PTK7: variants seen among roughly 807,000 people sequenced by gnomAD.
PTK7 encodes the protein inactive tyrosine-protein kinase 7.
In PTK7, 39 loss-of-function variants were observed where a neutral mutation model predicts 116.6. That is an observed-to-expected ratio of 0.33 (90% CI 0.26 to 0.44). PTK7 has a LOEUF of 0.44. PTK7 is among the 20% of genes least tolerant of loss of function. The pLI is 1.00. For missense variants in PTK7, 1,169 were observed against 1,425.6 expected (o/e 0.82, Z 2.90); for synonymous variants, 546 against 563.6 (o/e 0.97, Z 0.44).
intron 1 of PTK7, among the ~76,000 whole-genome samples, chr6:43,099,235 CT>C (rs11375658): frequency 0.016 from 2,124 of 136,934 alleles, 43 homozygotes; most frequent in African/African-American, 0.048. Flanking sequence ...ACTATTTTTC[CT>C]TTTTTTTTTT....
chr6:43,131,699 T>C (rs1020348141), intron 5 of PTK7: 11 of 382,434 alleles, frequency 2.9e-5, no homozygotes, highest in African/African-American at 1.3e-4. Context: ...GTGGGAATTA[T>C]GGGAGCTACA....
At position 43,145,243 on chromosome 6, in the gene PTK7, C is replaced by A; in HGVS notation, c.2451C>A (p.Gly817=). The A allele has an allele frequency of 6.2e-7, 1 of 1,613,282 alleles. No homozygotes were observed. The highest frequency in any genetic ancestry group is 8.5e-7 in the Non-Finnish European group (1 of 1,179,502). Residue 817 remains glycine, a synonymous_variant, in exon 16 of 20, where the codon GGC becomes GGA. Transcript: ENST00000230419. The surrounding 1 kb of genome is among the most constrained non-coding windows in gnomAD (Gnocchi z 4.8). The stretch of plus-strand genomic sequence containing the variant: ...AGGTGTTCCTGGCAAAGGCTCAGGG[C>A]TTGGAGGAGGGAGTGGCAGAGACCC... ...FGEVFLAKAQ[G]LEEGVAETLV...
chr6:43,157,357 TATATATA>T (rs1482178440), intron 17 of PTK7, among the ~76,000 whole-genome samples: 288 of 7,282 alleles, frequency 0.04, 22 homozygotes, highest in African/African-American at 0.083. Context: ...TATATATATA[TATATATA>T]TTTTTTTTTT....
At position 43,132,055 on chromosome 6, in the gene PTK7, G is replaced by T; in HGVS notation, c.852G>T (p.Gly284=). 2 of 1,614,072 alleles carry T rather than the reference G, an allele frequency of 1.2e-6. No homozygotes were observed. The highest frequency in any genetic ancestry group is 1.7e-6 in the Non-Finnish European group (2 of 1,180,032). ...GCAGAGCCACAGTGTTTGCCAACGG[G>T]TCTCTGCTGCTGACCCAGGTCCGGC... ...HLRRATVFAN[G]SLLLTQVRPR... is the part of the protein sequence containing the mutation. Residue 284 remains glycine (G), a synonymous_variant, in exon 6 of 20, where the codon GGG becomes GGT. Transcript: ENST00000230419.
In PTK7 at chr6:43,129,660, C is replaced by T. The variant is rs1769532267; in HGVS notation, c.368-67C>T. The stretch of plus-strand genomic sequence containing the variant: ...GGTTCCACGGCTTCCTGCTTGTCCT[C>T]CTTGCCCTCTGCCTTCCCGCCTTTG... On this transcript the variant is annotated intron_variant, in intron 2 of 19. Transcript: ENST00000230419. The surrounding 1 kb of genome is among the most constrained non-coding windows in gnomAD (Gnocchi z 4.5). The T allele has an allele frequency of 7.2e-7, 1 of 1,387,784 alleles. No homozygotes were observed. The highest frequency in any genetic ancestry group is 1.7e-5 in the Admixed American group (1 of 59,320). The allele number at this position is 1,387,784 out of a possible 1,614,324, so 86.0% of individuals were successfully genotyped here.
At chr6:43,111,770 T>C (rs2150403303) in intron 1 of PTK7, among the ~76,000 whole-genome samples, 1 of 151,890 alleles carries the variant, frequency 6.6e-6, no homozygotes, top group Admixed American at 6.6e-5. Flanking sequence ...TGGTCTCAAG[T>C]GATCCTCCCA....
At chr6:43,099,151 A>G (rs1468239641) in intron 1 of PTK7, among the ~76,000 whole-genome samples, 13 of 151,880 alleles carry the variant, frequency 8.6e-5, no homozygotes, top group Admixed American at 8.5e-4. Context: ...GGCAATTCTA[A>G]TGTAGAAAAA....
chr6:43,160,582 CG>C, intron 19 of PTK7, 138 bp from the exon 20 acceptor site: 1 of 1,071,148 alleles, frequency 9.3e-7, no homozygotes, highest in African/African-American at 1.6e-5. Flanking sequence ...TTTTCCGTTG[CG>C]GGTACCCACC....
chr6:43,126,616 C>T (rs781485916), intron 1 of PTK7, among the ~76,000 whole-genome samples: 15 of 152,158 alleles, frequency 9.9e-5, no homozygotes, highest in Non-Finnish European at 1.8e-4. Flanking sequence ...AGTCCCTGGG[C>T]GGGGATGGGA....
At chr6:43,109,087 T>C (rs568997738) in intron 1 of PTK7, among the ~76,000 whole-genome samples, 1 of 152,350 alleles carries the variant, frequency 6.6e-6, no homozygotes, top group East Asian at 1.9e-4. Flanking sequence ...ACTGTACACT[T>C]ACGGATTTTA....
intron 1 of PTK7, among the ~76,000 whole-genome samples, chr6:43,078,930 A>C (rs1010064000): frequency 3.3e-5 from 5 of 152,148 alleles, no homozygotes; most frequent in African/African-American, 1.2e-4. Context: ...CAGATTCCTC[A>C]AGGCTCTGCA....
intron 17 of PTK7, 58 bp from the exon 18 acceptor site, chr6:43,158,759 G>T: frequency 6.4e-7 from 1 of 1,558,586 alleles, no homozygotes; most frequent in Non-Finnish European, 8.8e-7. Flanking sequence ...TTGTGTTGAG[G>T]GTGGTCATCT....
intron 1 of PTK7, among the ~76,000 whole-genome samples, chr6:43,119,358 C>T (rs1463955319): frequency 1.3e-5 from 2 of 152,146 alleles, no homozygotes; most frequent in Non-Finnish European, 2.9e-5. Flanking sequence ...AATCATTAAA[C>T]TAAGGCTACA....
intron 17 of PTK7, among the ~76,000 whole-genome samples, chr6:43,154,554 C>CT (rs1039824284): frequency 1.1e-4 from 16 of 151,554 alleles, no homozygotes; most frequent in African/African-American, 1.9e-4. Context: ...TTTCTATTCC[C>CT]TTTTTTTTTC....
Position 43,139,441 on chromosome 6 carries a change from C to T in PTK7, c.1534C>T (p.Gln512Ter). 6.2e-7 allele frequency: 1 copy of T among 1,614,254 alleles called. No individual in the cohort carries two copies. Among genetic ancestry groups the T allele is most frequent in the Non-Finnish European group, 8.5e-7 (1 of 1,180,048 alleles). ...GTTCACACCACCACCCCAGCCACAG[C>T]AGTGCATGGAGTTTGACAAGGAGGC... ...LKFTPPPQPQQCMEFDKEATV... is the reference protein window; with the variant it reads ...LKFTPPPQPQ Residue 512 changes from glutamine to a stop codon, truncating the protein, a stop_gained, in exon 10 of 20, where the codon CAG becomes TAG. Coordinates refer to ENST00000230419, the MANE Select transcript of PTK7 (RefSeq NM_002821.5). LOFTEE classifies it high-confidence loss of function. This position sits in a 1 kb window ranked among gnomAD's most constrained non-coding sequence, Gnocchi z 4.6.
At chr6:43,119,323 G>C (rs1287886292) in intron 1 of PTK7, among the ~76,000 whole-genome samples, 1 of 152,156 alleles carries the variant, frequency 6.6e-6, no homozygotes, top group African/African-American at 2.4e-5. Flanking sequence ...ATTTATCAGA[G>C]TTTTCTGAGC....
chr6:43,142,753 A>C (rs1338599737), intron 13 of PTK7: 1 of 211,136 alleles, frequency 4.7e-6, no homozygotes, highest in African/African-American at 2.3e-5. Context: ...CTGCATCCAC[A>C]GGTGAAAGTG....
At chr6:43,119,985 G>A (rs1213703699) in intron 1 of PTK7, among the ~76,000 whole-genome samples, 1 of 152,054 alleles carries the variant, frequency 6.6e-6, no homozygotes, top group Non-Finnish European at 1.5e-5. Flanking sequence ...AGAATTTCTG[G>A]GGTTTTTAAC....
chr6:43,094,705 C>T (rs2150382294), intron 1 of PTK7, among the ~76,000 whole-genome samples: 1 of 151,952 alleles, frequency 6.6e-6, no homozygotes, highest in African/African-American at 2.4e-5. Context: ...GTCTCGATCT[C>T]CTGACCTCGT....
Sources: allele counts gnomAD v4.1 joint callset (sites outside exome capture counted in the v4.1 genomes callset), GRCh38; gene constraint gnomAD v4.1.1; non-coding constraint Gnocchi (gnomAD v3.1); transcripts MANE v1.5; gene names NCBI Gene and HGNC (gene_info 2026-07-23, HGNC 2026-07-21).